ATG4C: variants seen among roughly 807,000 people sequenced by gnomAD.
ATG4C encodes autophagy related 4C cysteine peptidase, also known as cysteine protease ATG4C.
Under a neutral mutation model 57.6 loss-of-function variants are expected in ATG4C, and 56 were observed. That is an observed-to-expected ratio of 0.97 (90% confidence interval 0.78 to 1.21). The LOEUF is 1.21. ATG4C is among the 50% of genes most tolerant of loss of function. ATG4C has a pLI of 0.00. For missense variants in ATG4C, 595 were observed against 529.8 expected (o/e 1.12, Z -1.21); for synonymous variants, 157 against 174.1 (o/e 0.90, Z 0.78).
chr1:62,828,858 T>C (rs902026694), intron 6 of ATG4C, among the ~76,000 whole-genome samples, 182 bp from the exon 7 acceptor site: 1 of 152,124 alleles, frequency 6.6e-6, no homozygotes, highest in Non-Finnish European at 1.5e-5. Context: ...CCAGCTTCAG[T>C]CTTCTGTGTA....
At chr1:62,802,996 G>A (rs1664732640) in intron 1 of ATG4C, among the ~76,000 whole-genome samples, 2 of 152,250 alleles carry the variant, frequency 1.3e-5, no homozygotes, top group South Asian at 2.1e-4. Context: ...AGTAAACTGT[G>A]AATTATTGCA....
chr1:62,802,063 T>G (rs1664697110), intron 1 of ATG4C, among the ~76,000 whole-genome samples: 1 of 150,956 alleles, frequency 6.6e-6, no homozygotes, highest in African/African-American at 2.4e-5. Flanking sequence ...ATCAAATTCA[T>G]AATCTTCTCC....
intron 1 of ATG4C, among the ~76,000 whole-genome samples, chr1:62,797,060 A>C (rs924635605): frequency 6.6e-6 from 1 of 152,022 alleles, no homozygotes; most frequent in Non-Finnish European, 1.5e-5. Flanking sequence ...GTGAGCTGAG[A>C]TCGCACCATT....
At chr1:62,859,996 C>T (rs962893377) in intron 10 of ATG4C, among the ~76,000 whole-genome samples, 1 of 152,150 alleles carries the variant, frequency 6.6e-6, no homozygotes, top group Non-Finnish European at 1.5e-5. Flanking sequence ...TTGTACAGCT[C>T]TACAAAGATA....
intron 1 of ATG4C, among the ~76,000 whole-genome samples, chr1:62,801,070 A>G (rs1391421328): frequency 6.6e-6 from 1 of 152,206 alleles, no homozygotes; most frequent in Non-Finnish European, 1.5e-5. Flanking sequence ...AAGTTCAGGA[A>G]GCTTTGATAT....
chr1:62,857,580 C>A (rs967678315), intron 10 of ATG4C, among the ~76,000 whole-genome samples: 1 of 152,126 alleles, frequency 6.6e-6, no homozygotes, highest in Admixed American at 6.5e-5. Flanking sequence ...TCCCCACCCC[C>A]CCAGTCCGTG....
chr1:62,812,920 T>C (rs905651073), intron 3 of ATG4C, among the ~76,000 whole-genome samples: 2 of 152,136 alleles, frequency 1.3e-5, no homozygotes, highest in African/African-American at 4.8e-5. Context: ...ACAAGGGATG[T>C]GAAGGACCTC....
At position 62,819,308 on chromosome 1, in the gene ATG4C, G is replaced by A; in HGVS notation, c.698G>A (p.Gly233Glu). Reference protein sequence around the residue: ...KSGKKAGDWYGPAVVAHILRK... With the variant: ...KSGKKAGDWYEPAVVAHILRK... ...GGGAAAAAAGCAGGAGATTGGTATG[G>A]ACCAGCTGTGGTTGCTCACATTTTA... The change falls in exon 5 of 11, where the codon GGA becomes GAA. Residue 233 changes from glycine (G) to glutamate (E), a missense_variant. Coordinates refer to ENST00000317868, the MANE Select transcript of ATG4C (RefSeq NM_032852.4). The A allele has an allele frequency of 6.3e-7, 1 of 1,597,856 alleles. No homozygotes were observed. Among genetic ancestry groups the A allele is most frequent in the Non-Finnish European group, 8.5e-7 (1 of 1,174,946 alleles).
intron 1 of ATG4C, among the ~76,000 whole-genome samples, chr1:62,788,036 C>T (rs2100272782): frequency 6.6e-6 from 1 of 152,258 alleles, no homozygotes. Flanking sequence ...TACACCAGCA[C>T]ATAACATCTT....
intron 10 of ATG4C, among the ~76,000 whole-genome samples, chr1:62,849,438 A>G (rs1666433313): frequency 6.6e-6 from 1 of 151,788 alleles, no homozygotes; most frequent in African/African-American, 2.4e-5. Context: ...CCTCTCTAAG[A>G]TTTTTATTTC....
chr1:62,815,617 A>G (rs113346842), intron 3 of ATG4C, among the ~76,000 whole-genome samples: 4,894 of 152,146 alleles, frequency 0.032, 274 homozygotes, highest in African/African-American at 0.11. Flanking sequence ...TGCAGCCTCA[A>G]CCTCCTGGCT....
At position 62,829,198 on chromosome 1, in the gene ATG4C, T is replaced by A. The variant is rs781489204; in HGVS notation, c.933+22T>A. On this transcript the variant is annotated intron_variant, in intron 7 of 10. Coordinates refer to ENST00000317868, the MANE Select transcript of ATG4C (RefSeq NM_032852.4). ...GAAGGTATGAAATAAGTGCTGAACT[T>A]TTTTAGGGCAATACTAGCTAATATG... The A allele has an allele frequency of 2.3e-5, 37 of 1,610,284 alleles. 1 individual carries two copies. The highest frequency in any genetic ancestry group is 2.7e-5 in the African/African-American group (2 of 74,762).
At chr1:62,796,203 G>GT (rs1664458753) in intron 1 of ATG4C, among the ~76,000 whole-genome samples, 1 of 108,512 alleles carries the variant, frequency 9.2e-6, no homozygotes, top group Non-Finnish European at 1.9e-5. Flanking sequence ...CCTCATTTGT[G>GT]TGGGTTTTTT....
At chr1:62,858,812 G>A (rs1666762824) in intron 10 of ATG4C, among the ~76,000 whole-genome samples, 1 of 152,096 alleles carries the variant, frequency 6.6e-6, no homozygotes, top group Non-Finnish European at 1.5e-5. Context: ...GTAAAAGTTG[G>A]ATACAAGGAT....
chr1:62,819,054 A>G lies in ATG4C; in HGVS notation c.444A>G (p.Ser148=), dbSNP rs777161599. The G allele has an allele frequency of 6.3e-7, 1 of 1,596,600 alleles. No homozygotes were observed. The highest frequency in any genetic ancestry group is 8.5e-7 in the Non-Finnish European group (1 of 1,172,066). Residue 148 remains serine, a synonymous_variant, in exon 5 of 11, where the codon TCA becomes TCG. Coordinates refer to ENST00000317868, the MANE Select transcript of ATG4C (RefSeq NM_032852.4). ...ALNIENSDSE[S]WTSHTVKKFT... The stretch of plus-strand genomic sequence containing the variant: ...ATATTGAAAATTCAGACTCTGAATC[A>G]TGGACTTCCCACACTGTCAAAAAAT...
intron 3 of ATG4C, among the ~76,000 whole-genome samples, chr1:62,813,262 AT>A: frequency 6.6e-6 from 1 of 152,318 alleles, no homozygotes; most frequent in South Asian, 2.1e-4. Flanking sequence ...ATATAGACCA[AT>A]GGAACAGAAC....
At chr1:62,853,447 A>G (rs1165539046) in intron 10 of ATG4C, among the ~76,000 whole-genome samples, 1 of 152,106 alleles carries the variant, frequency 6.6e-6, no homozygotes, top group Non-Finnish European at 1.5e-5. Flanking sequence ...TATAATTATT[A>G]CTGTTATTTT....
chr1:62,829,423 C>T (rs1046949611), intron 7 of ATG4C, among the ~76,000 whole-genome samples: 1 of 152,054 alleles, frequency 6.6e-6, no homozygotes, highest in Non-Finnish European at 1.5e-5. Flanking sequence ...GACACAGATG[C>T]AGCAATAATC....
intron 9 of ATG4C, among the ~76,000 whole-genome samples, chr1:62,841,108 C>T (rs1400505936): frequency 6.6e-6 from 1 of 152,198 alleles, no homozygotes; most frequent in Non-Finnish European, 1.5e-5. Context: ...TTCTAAGCCT[C>T]ATACTTTTTT....
Sources: gnomAD v4.1 joint callset for allele counts (sites outside exome capture counted in the v4.1 genomes callset) on GRCh38, gnomAD v4.1.1 for gene constraint, MANE v1.5 for transcripts, NCBI Gene and HGNC (gene_info 2026-07-23, HGNC 2026-07-21) for gene names.